Variants in LRRC4C observed in about 807,000 individuals in gnomAD.
LRRC4C encodes the protein leucine-rich repeat-containing protein 4C.
LRRC4C carries 5 observed loss-of-function variants against 33.6 expected under a neutral mutation model. The observed-to-expected ratio is 0.15, with a 90% CI of 0.08 to 0.31. The LOEUF is 0.31. Among genes scored for constraint, LRRC4C ranks in the 10% least tolerant of loss-of-function variants. The probability of loss-of-function intolerance (pLI) is 1.00; values close to 1 mark genes in which losing one functional copy is unlikely to be tolerated. For synonymous variants in LRRC4C, 329 were observed against 302.0 expected (o/e 1.09, Z -0.93); for missense variants, 560 against 796.7 (o/e 0.70, Z 3.58).
At chr11:40,729,390 A>C (rs1218583176) in intron 2 of LRRC4C, among the ~76,000 whole-genome samples, 1 of 152,174 alleles carries the variant, frequency 6.6e-6, no homozygotes, top group Non-Finnish European at 1.5e-5. Flanking sequence ...CCCATGATAT[A>C]CTTTTATTCC....
At chr11:41,278,514 C>T (rs566195002) in intron 1 of LRRC4C, among the ~76,000 whole-genome samples, 259 of 152,202 alleles carry the variant, frequency 1.7e-3, no homozygotes, top group African/African-American at 5.7e-3. Flanking sequence ...CAATTTAAAT[C>T]GATAAATAAA....
intron 1 of LRRC4C, among the ~76,000 whole-genome samples, chr11:41,458,973 AG>A: frequency 1.3e-5 from 2 of 152,194 alleles, no homozygotes; most frequent in South Asian, 2.1e-4. Flanking sequence ...AGCTATGGGG[AG>A]GGGGAAGTCT....
intron 1 of LRRC4C, among the ~76,000 whole-genome samples, chr11:41,306,556 A>G (rs1950511102): frequency 6.6e-6 from 1 of 152,320 alleles, no homozygotes; most frequent in East Asian, 1.9e-4. Context: ...CTAAGTGGAG[A>G]GTATCCTGCA....
At chr11:40,898,669 G>C (rs561930220) in intron 2 of LRRC4C, among the ~76,000 whole-genome samples, 10 of 151,966 alleles carry the variant, frequency 6.6e-5, no homozygotes, top group Admixed American at 5.2e-4. Flanking sequence ...AACTCCATTA[G>C]GCAGACCTTT....
chr11:40,593,112 G>A (rs1278740752), intron 3 of LRRC4C, among the ~76,000 whole-genome samples: 1 of 152,138 alleles, frequency 6.6e-6, no homozygotes, highest in East Asian at 1.9e-4. Flanking sequence ...TTCATAGCCT[G>A]AACTCTCAGG....
At chr11:40,478,966 T>C (rs1302017778) in intron 3 of LRRC4C, among the ~76,000 whole-genome samples, 4 of 152,182 alleles carry the variant, frequency 2.6e-5, no homozygotes, top group Admixed American at 6.5e-5. Context: ...ACTATTAACT[T>C]TTAAAACACT....
At chr11:40,879,012 G>A (rs1307406265) in intron 2 of LRRC4C, among the ~76,000 whole-genome samples, 3 of 152,060 alleles carry the variant, frequency 2.0e-5, no homozygotes, top group Admixed American at 6.6e-5. Context: ...TAAGTGCCAC[G>A]ACTATAAGTA....
chr11:40,803,416 G>C (rs1951118180), intron 2 of LRRC4C, among the ~76,000 whole-genome samples: 1 of 152,062 alleles, frequency 6.6e-6, no homozygotes, highest in South Asian at 2.1e-4. Flanking sequence ...GATCAGTTGT[G>C]ATTTTTGTGC....
At chr11:40,288,647 A>T (rs978640093) in intron 4 of LRRC4C, among the ~76,000 whole-genome samples, 27 of 152,196 alleles carry the variant, frequency 1.8e-4, no homozygotes, top group Admixed American at 9.2e-4. Context: ...GTAAACAATG[A>T]CGTGTGTGTC....
chr11:41,073,869 T>G (rs1938906651), intron 1 of LRRC4C, among the ~76,000 whole-genome samples: 1 of 152,190 alleles, frequency 6.6e-6, no homozygotes, highest in Non-Finnish European at 1.5e-5. Flanking sequence ...ATAAAGGGCT[T>G]AACAATAATT....
At chr11:40,229,908 T>G (rs1865079514) in intron 5 of LRRC4C, among the ~76,000 whole-genome samples, 1 of 152,206 alleles carries the variant, frequency 6.6e-6, no homozygotes, top group African/African-American at 2.4e-5. Context: ...ACTCAGAATC[T>G]GATCAGAGCT....
At chr11:40,998,995 C>T (rs1386674545) in intron 1 of LRRC4C, among the ~76,000 whole-genome samples, 5 of 152,036 alleles carry the variant, frequency 3.3e-5, no homozygotes, top group South Asian at 4.1e-4. Context: ...TGTGGTGACT[C>T]CAATTCCCCT....
At chr11:41,197,783 G>A (rs1946242911) in intron 1 of LRRC4C, among the ~76,000 whole-genome samples, 1 of 151,818 alleles carries the variant, frequency 6.6e-6, no homozygotes, top group African/African-American at 2.4e-5. Flanking sequence ...TTGTCATTTT[G>A]GGTCTTAGTT....
chr11:41,104,334 C>T (rs927969645), intron 1 of LRRC4C, among the ~76,000 whole-genome samples: 1 of 151,790 alleles, frequency 6.6e-6, no homozygotes, highest in African/African-American at 2.4e-5. Context: ...AGAATAAATA[C>T]AAATGGTCAG....
intron 1 of LRRC4C, among the ~76,000 whole-genome samples, chr11:41,432,960 T>C (rs1290886062): frequency 3.3e-5 from 5 of 152,156 alleles, no homozygotes; most frequent in Non-Finnish European, 5.9e-5. Context: ...TATATCTCAA[T>C]TGTTTTAGAA....
chr11:40,653,166 C>T (rs762964913), intron 2 of LRRC4C, among the ~76,000 whole-genome samples: 2 of 152,058 alleles, frequency 1.3e-5, no homozygotes, highest in Non-Finnish European at 2.9e-5. Flanking sequence ...TTAGTTGGTA[C>T]CAGGAGTTCG....
At chr11:40,760,918 T>G (rs1949183979) in intron 2 of LRRC4C, among the ~76,000 whole-genome samples, 1 of 148,576 alleles carries the variant, frequency 6.7e-6, no homozygotes, top group Non-Finnish European at 1.5e-5. Context: ...ATTTTTTTTG[T>G]AAAGACAGAG....
intron 4 of LRRC4C, among the ~76,000 whole-genome samples, chr11:40,279,995 C>A (rs765548713): frequency 4.8e-4 from 73 of 152,100 alleles, no homozygotes; most frequent in Non-Finnish European, 8.4e-4. Context: ...AACTACTCAC[C>A]CTTTCTTTCA....
intron 3 of LRRC4C, among the ~76,000 whole-genome samples, chr11:40,587,432 T>G (rs1272354340): frequency 1.7e-4 from 26 of 148,746 alleles, no homozygotes; most frequent in East Asian, 3.9e-4. Context: ...CAGGGACAAT[T>G]TCACTTCCTC....
Sources: gnomAD v4.1 joint callset for allele counts (sites outside exome capture counted in the v4.1 genomes callset) on GRCh38, gnomAD v4.1.1 for gene constraint, MANE v1.5 for transcripts, NCBI Gene and HGNC (gene_info 2026-07-23, HGNC 2026-07-21) for gene names.